FAM120B: variants seen among roughly 807,000 people sequenced by gnomAD.
The protein encoded by FAM120B is family with sequence similarity 120 member B, also known as constitutive coactivator of peroxisome proliferator-activated receptor gamma.
Under a neutral mutation model 96.3 loss-of-function variants are expected in FAM120B, and 83 were observed. The observed-to-expected ratio is 0.86, with a 90% CI of 0.72 to 1.03. FAM120B has a LOEUF of 1.03. Ranked by LOEUF, FAM120B falls within the 50% of genes least tolerant of loss-of-function variation. FAM120B has a pLI of 0.00. For synonymous variants in FAM120B, 407 were observed against 402.7 expected, an observed-to-expected ratio of 1.01 and a Z score of -0.13; for missense variants, 1,027 against 1,121.2, an observed-to-expected ratio of 0.92 and a Z score of 1.20.
Position 170,391,088 on chromosome 6 carries a change from A to T in FAM120B, c.2566A>T (p.Thr856Ser). 3 of 1,614,168 alleles carry T rather than the reference A, an allele frequency of 1.9e-6. No individual in the cohort carries two copies. The change falls in exon 8 of 11, where the codon ACT becomes TCT. Residue 856 changes from threonine (T) to serine (S), a missense_variant. Thr to Ser is a moderately conservative substitution (Grantham distance 58, BLOSUM62 1). Coordinates refer to ENST00000476287, the MANE Select transcript of FAM120B (RefSeq NM_032448.3). The stretch of plus-strand genomic sequence containing the variant: ...CTGCATGAAGGAGAACAGACGCATC[A>T]CTGGCCGAGCCCACTGGGGCTCACA... Reference protein sequence around the residue: ...KACMKENRRITGRAHWGSHHA... With the variant: ...KACMKENRRISGRAHWGSHHA...
rs7769232 is a variant in FAM120B at position 170,406,267 on chromosome 6, C to G, written c.*1516C>G. The G allele has an allele frequency of 0.12, 17,868 of 152,248 alleles. 1,196 individuals carry two copies. The highest frequency in any genetic ancestry group is 0.17 in the African/African-American group (7,111 of 41,528). 9.4% of individuals were successfully genotyped at this position (152,248 alleles called of 1,614,324 possible). Reference sequence around the variant, plus strand: ...GAAGAAAAGCTGGTGGTGACCCCTGCTCCTGCTGGGCCATGCCATGGCTCT... The same window carrying G: ...GAAGAAAAGCTGGTGGTGACCCCTGGTCCTGCTGGGCCATGCCATGGCTCT... On this transcript the variant is annotated 3_prime_UTR_variant, in exon 11 of 11. Coordinates refer to ENST00000476287, the MANE Select transcript of FAM120B (RefSeq NM_032448.3).
At chr6:170,358,609 C>T (rs1788129500) in intron 6 of FAM120B, among the ~76,000 whole-genome samples, 1 of 152,182 alleles carries the variant, frequency 6.6e-6, no homozygotes, top group Non-Finnish European at 1.5e-5. Context: ...TCTCTATAAA[C>T]CTTATTAATT....
At chr6:170,315,199 A>C (rs962707498) in intron 1 of FAM120B, among the ~76,000 whole-genome samples, 1 of 152,034 alleles carries the variant, frequency 6.6e-6, no homozygotes, top group African/African-American at 2.4e-5. Context: ...ATCAAGTCAC[A>C]CTCCAGATTT....
At chr6:170,394,458 C>T (rs9295402) in intron 8 of FAM120B, among the ~76,000 whole-genome samples, 13,519 of 140,746 alleles carry the variant, frequency 0.096, 17 homozygotes, top group African/African-American at 0.15. Context: ...CCGCAGCATG[C>T]CAGCACAAGG....
intron 6 of FAM120B, among the ~76,000 whole-genome samples, chr6:170,366,192 G>T (rs1233349310): frequency 6.6e-6 from 1 of 152,188 alleles, no homozygotes; most frequent in East Asian, 1.9e-4. Context: ...CGTTGTTCTT[G>T]GGAGTTAGAT....
intron 4 of FAM120B, among the ~76,000 whole-genome samples, chr6:170,338,844 C>CTTTT (rs61188907): frequency 1.4e-3 from 122 of 85,322 alleles, no homozygotes; most frequent in East Asian, 2.6e-3. Flanking sequence ...TTGCAACCTG[C>CTTTT]TTTTTTTTTT....
rs62425621 is a variant in FAM120B at position 170,326,040 on chromosome 6, G to A, written c.1915+2781G>A. On this transcript the variant is annotated intron_variant, in intron 3 of 10. Coordinates refer to ENST00000476287, the MANE Select transcript of FAM120B (RefSeq NM_032448.3). ...TCTCCCCAACATTTTTGCTATTGTCGTTTTATGTCTTGTACATATATATAT... is the reference window on the plus strand; with the variant it reads ...TCTCCCCAACATTTTTGCTATTGTCATTTTATGTCTTGTACATATATATAT... 2.7e-3 allele frequency among the ~76,000 whole-genome samples: 407 copies of A among 151,960 alleles called. 1 individual carries two copies. The highest frequency in any genetic ancestry group is 4.6e-3 in the Non-Finnish European group (310 of 67,958).
intron 6 of FAM120B, among the ~76,000 whole-genome samples, chr6:170,378,121 C>T (rs943058263): frequency 3.9e-5 from 6 of 152,226 alleles, no homozygotes; most frequent in African/African-American, 1.2e-4. Context: ...ATGCTCATTT[C>T]TGTCTGTGGA....
At chr6:170,361,207 T>C (rs1463064624) in intron 6 of FAM120B, among the ~76,000 whole-genome samples, 4 of 82,582 alleles carry the variant, frequency 4.8e-5, no homozygotes, top group Admixed American at 1.2e-4. Context: ...TGTATATATA[T>C]ATATATATAT....
At chr6:170,306,600 G>GGCGCCTGCGCGCCGCGTCCGCTGTCC (rs1254362245), upstream of FAM120B, 1 of 152,186 alleles carries the variant, frequency 6.6e-6, no homozygotes, top group Non-Finnish European at 1.5e-5. Flanking sequence ...CCACGCCGCC[G>GGCGCCTGCGCGCCGCGTCCGCTGTCC]GCGCCTGCGC....
At chr6:170,372,518 A>G (rs1028741313) in intron 6 of FAM120B, among the ~76,000 whole-genome samples, 3 of 152,194 alleles carry the variant, frequency 2.0e-5, no homozygotes, top group Non-Finnish European at 4.4e-5. Flanking sequence ...AAGATAGTCT[A>G]ATTTTATGAA....
At chr6:170,404,448 C>A in intron 9 of FAM120B, 102 bp from the exon 10 acceptor site, 2 of 997,918 alleles carry the variant, frequency 2.0e-6, no homozygotes, top group Non-Finnish European at 3.1e-6. Context: ...CCTCCAAATA[C>A]AGCTCAGCAT....
intron 6 of FAM120B, among the ~76,000 whole-genome samples, chr6:170,364,671 G>A (rs1184827353): frequency 6.6e-6 from 1 of 152,148 alleles, no homozygotes; most frequent in Non-Finnish European, 1.5e-5. Flanking sequence ...CCTCTCTCTG[G>A]GGTTCTCTAC....
intron 6 of FAM120B, among the ~76,000 whole-genome samples, chr6:170,387,937 A>G (rs958998): frequency 0.79 from 120,205 of 152,152 alleles, 47,616 homozygotes; most frequent in East Asian, 0.94. Flanking sequence ...AGTTTTCACC[A>G]TTTCTGTTCT....
intron 2 of FAM120B, among the ~76,000 whole-genome samples, chr6:170,321,109 G>A (rs1342608388): frequency 6.6e-6 from 1 of 152,170 alleles, no homozygotes; most frequent in African/African-American, 2.4e-5. Context: ...GCAAAGTGGT[G>A]GGTCGAGAGT....
At chr6:170,313,599 A>G (rs144533783) in intron 1 of FAM120B, among the ~76,000 whole-genome samples, 45 of 152,280 alleles carry the variant, frequency 3.0e-4, no homozygotes, top group African/African-American at 9.1e-4. Context: ...GTTATATGCT[A>G]GTTTGTAGAT....
rs568105287 is a variant in FAM120B, at chr6:170,373,261, CA to C, written c.2283+14947del. Among the ~76,000 whole-genome samples the C allele has an allele frequency of 2.4e-3, 367 of 152,290 alleles. 1 individual carries two copies. The highest frequency in any genetic ancestry group is 8.5e-3 in the African/African-American group (352 of 41,564). On this transcript the variant is annotated intron_variant, in intron 6 of 10. Coordinates refer to ENST00000476287, the MANE Select transcript of FAM120B (RefSeq NM_032448.3). ...TCCAGAGCACCTTAAACCCTATTTC[CA>C]AAATACAGGCTACTTTTATTTACGA...
chr6:170,296,643 G>C (rs865865119), intron 1 of FAM120B, among the ~76,000 whole-genome samples: 52 of 152,006 alleles, frequency 3.4e-4, no homozygotes, highest in Middle Eastern at 6.8e-3. Context: ...GTCGGCGGGC[G>C]GGGCCGGGGC....
chr6:170,294,897 G>C (rs9348307), upstream of FAM120B, among the ~76,000 whole-genome samples: 17,482 of 152,192 alleles, frequency 0.11, 1,338 homozygotes, highest in East Asian at 0.31. The surrounding 1 kb of genome is among the most constrained non-coding windows in gnomAD (Gnocchi z 7.9). Context: ...GAAGAATTAG[G>C]GTCCTTGTTC....
Sources: gnomAD v4.1 joint callset for allele counts (sites outside exome capture counted in the v4.1 genomes callset) on GRCh38, gnomAD v4.1.1 for gene constraint, Gnocchi (gnomAD v3.1) non-coding constraint, MANE v1.5 for transcripts, NCBI Gene and HGNC (gene_info 2026-07-23, HGNC 2026-07-21) for gene names.